HCFC2: variants seen among roughly 807,000 people sequenced by gnomAD.
The protein encoded by HCFC2 is host cell factor 2.
In HCFC2, 18 loss-of-function variants were observed where a neutral mutation model predicts 89.2. The observed-to-expected ratio is 0.20, with a 90% CI of 0.14 to 0.30. HCFC2 has a LOEUF of 0.30. Ranked by LOEUF, HCFC2 falls within the 10% of genes least tolerant of loss-of-function variation. The probability of loss-of-function intolerance (pLI) is 1.00; values close to 1 mark genes in which losing one functional copy is unlikely to be tolerated. For synonymous variants in HCFC2, 308 were observed against 335.7 expected (o/e 0.92, Z 0.90); for missense variants, 578 against 956.1 (o/e 0.60, Z 5.21).
intron 12 of HCFC2, chr12:104,098,044 T>C: frequency 4.2e-6 from 1 of 236,826 alleles, no homozygotes; most frequent in Non-Finnish European, 8.0e-6. Flanking sequence ...AATGACAATG[T>C]TCTATAAAAT....
At chr12:104,098,111 T>C in intron 12 of HCFC2, 1 of 377,228 alleles carries the variant, frequency 2.7e-6, no homozygotes, top group Non-Finnish European at 4.7e-6. Context: ...GCTAGGTTGA[T>C]AGTACAGAGC....
At chr12:104,077,550 G>GTT (rs202233502) in intron 3 of HCFC2, among the ~76,000 whole-genome samples, 32 of 133,408 alleles carry the variant, frequency 2.4e-4, no homozygotes, top group Admixed American at 7.4e-4. Flanking sequence ...CCCCTGGCCT[G>GTT]TTTTTTTTTT....
chr12:104,064,818 C>A lies in HCFC2; in HGVS notation c.163+95C>A. ...GCCGCGGCCCTGACAGCTGTCACCG[C>A]CCGGTCACTGCTTCCTTGGGCGGGC... is the stretch of plus-strand genomic sequence containing the variant. On this transcript the variant is annotated intron_variant, in intron 1 of 14. Coordinates refer to ENST00000229330, the MANE Select transcript of HCFC2 (RefSeq NM_013320.3). This position sits in a 1 kb window ranked among gnomAD's most constrained non-coding sequence, Gnocchi z 7.3. 1 of 1,172,354 alleles carries A rather than the reference C, an allele frequency of 8.5e-7. No homozygotes were observed. The highest frequency in any genetic ancestry group is 1.1e-6 in the Non-Finnish European group (1 of 876,388). The allele number at this position is 1,172,354 out of a possible 1,614,324, so 72.6% of individuals were successfully genotyped here.
intron 10 of HCFC2, among the ~76,000 whole-genome samples, chr12:104,094,530 AG>A (rs1884119558): frequency 6.6e-6 from 1 of 152,210 alleles, no homozygotes; most frequent in Admixed American, 6.5e-5. Context: ...TATACGTCAT[AG>A]GAAAAAAAAT....
chr12:104,075,628 T>C (rs1250336777), intron 3 of HCFC2, among the ~76,000 whole-genome samples: 1 of 152,050 alleles, frequency 6.6e-6, no homozygotes, highest in Admixed American at 6.6e-5. Context: ...CTGGCTAAAT[T>C]TTTAAGTTTT....
intron 4 of HCFC2, chr12:104,080,313 TA>T: frequency 6.2e-6 from 1 of 161,878 alleles, no homozygotes; most frequent in Non-Finnish European, 1.3e-5. Context: ...GTCCCTGATA[TA>T]AAATGGTGTA....
At position 104,064,701 on chromosome 12, in the gene HCFC2, T is replaced by A; in HGVS notation, c.141T>A (p.Asp47Glu). 6.4e-7 allele frequency: 1 copy of A among 1,570,192 alleles called. No individual in the cohort carries two copies. Among genetic ancestry groups the A allele is most frequent in the Non-Finnish European group, 8.6e-7 (1 of 1,160,522 alleles). ...IFGGGNEGIA[D>E]ELHVYNTATN... Reference sequence around the variant, plus strand: ...GAGGGGGAAATGAGGGCATCGCGGATGAGCTGCACGTCTACAACACGGGTA... The same window carrying A: ...GAGGGGGAAATGAGGGCATCGCGGAAGAGCTGCACGTCTACAACACGGGTA... The change falls in exon 1 of 15, where the codon GAT (aspartate) becomes GAA (glutamate). Residue 47 changes from aspartate (D) to glutamate (E), a missense_variant. Physicochemically the swap from Asp to Glu is conservative, Grantham distance 45. This residue lies in a region of HCFC2 where 206 missense variants were observed against 419.2 expected (regional missense o/e 0.49). Coordinates refer to ENST00000229330, the MANE Select transcript of HCFC2 (RefSeq NM_013320.3). This position sits in a 1 kb window ranked among gnomAD's most constrained non-coding sequence, Gnocchi z 7.3.
chr12:104,071,407 A>T (rs916176416), intron 3 of HCFC2, among the ~76,000 whole-genome samples: 1 of 152,206 alleles, frequency 6.6e-6, no homozygotes, highest in Non-Finnish European at 1.5e-5. Context: ...GGTTACATAC[A>T]ATGCTTTTTA....
intron 9 of HCFC2, among the ~76,000 whole-genome samples, chr12:104,089,916 CT>C (rs1394574753): frequency 2.6e-5 from 4 of 152,048 alleles, no homozygotes; most frequent in Admixed American, 2.0e-4. Flanking sequence ...AAGGTAGTTT[CT>C]TTTTTCCCCC....
intron 3 of HCFC2, among the ~76,000 whole-genome samples, chr12:104,079,025 A>G (rs1449783079): frequency 2.0e-5 from 3 of 152,174 alleles, no homozygotes; most frequent in Non-Finnish European, 4.4e-5. Flanking sequence ...CAGCCTCAGA[A>G]GTCACGTAGT....
intron 1 of HCFC2, among the ~76,000 whole-genome samples, chr12:104,065,424 G>A (rs910243752): frequency 2.0e-5 from 3 of 152,220 alleles, no homozygotes; most frequent in Non-Finnish European, 4.4e-5. Context: ...GAATAGAAAG[G>A]AAACTGGATT....
chr12:104,064,572 C>T lies in HCFC2; in HGVS notation c.12C>T (p.Pro4=). 1 of 1,542,362 alleles carries T rather than the reference C, an allele frequency of 6.5e-7. No individual in the cohort carries two copies. Among genetic ancestry groups the T allele is most frequent in the Non-Finnish European group, 8.7e-7 (1 of 1,146,582 alleles). The change falls in exon 1 of 15, where the codon CCC becomes CCT. Residue 4 remains proline, a synonymous_variant. Transcript: ENST00000229330. This position sits in a 1 kb window ranked among gnomAD's most constrained non-coding sequence, Gnocchi z 7.3. MAA[P]SLLNWRRVSS... ...CGGGGGTTGGGAAGATGGCGGCTCCCAGCCTCCTCAACTGGAGGCGAGTTT... is the reference window on the plus strand; with the variant it reads ...CGGGGGTTGGGAAGATGGCGGCTCCTAGCCTCCTCAACTGGAGGCGAGTTT...
chr12:104,087,103 C>G (rs772417138), intron 8 of HCFC2, 89 bp downstream of exon 8: 9 of 1,285,274 alleles, frequency 7.0e-6, no homozygotes, highest in Non-Finnish European at 7.5e-6. Flanking sequence ...GCCTGTAATC[C>G]CAGCACTTTG....
rs1438379295 is a variant in HCFC2, at chr12:104,086,895, A to G, written c.1112A>G (p.Asn371Ser). ...GTACAGCTGATCAAAGCCACTACCA[A>G]CTCCTTTCATGTCAAGTGGGATGAA... ...SQVQLIKATT[N>S]SFHVKWDEVS... The change falls in exon 8 of 15, where the codon AAC becomes AGC. Residue 371 changes from asparagine to serine, a missense_variant. Asn to Ser is a conservative substitution (Grantham distance 46). This residue lies in a region of HCFC2 where 210 missense variants were observed against 251.7 expected (regional missense o/e 0.83). Coordinates refer to ENST00000229330, the MANE Select transcript of HCFC2 (RefSeq NM_013320.3). 1 of 1,613,764 alleles carries G rather than the reference A, an allele frequency of 6.2e-7. No homozygotes were observed. The highest frequency in any genetic ancestry group is 8.5e-7 in the Non-Finnish European group (1 of 1,179,854).
At chr12:104,099,637 T>C (rs1031858137) in intron 13 of HCFC2, among the ~76,000 whole-genome samples, 3 of 151,956 alleles carry the variant, frequency 2.0e-5, no homozygotes, top group Non-Finnish European at 4.4e-5. Flanking sequence ...AAAAAACTTA[T>C]ACAATCACTG....
rs2030041244 is a variant in HCFC2, at chr12:104,104,669, T to A, written c.*1396T>A. On this transcript the variant is annotated 3_prime_UTR_variant, in exon 15 of 15. Transcript: ENST00000229330. ...TATATATGTGTGTTCCAGTTACTAATTTAAAGTGTATAGAATATTTTAATA... is the reference window on the plus strand; with the variant it reads ...TATATATGTGTGTTCCAGTTACTAAATTAAAGTGTATAGAATATTTTAATA... 6.6e-6 allele frequency: 1 copy of A among 152,034 alleles called. No homozygotes were observed. The highest frequency in any genetic ancestry group is 1.5e-5 in the Non-Finnish European group (1 of 67,870). 9.4% of individuals were successfully genotyped at this position (152,034 alleles called of 1,614,324 possible). A position where few individuals can be genotyped will look rare whatever the true frequency, so the allele number is the denominator to read the frequency against.
chr12:104,078,645 A>T (rs917675907), intron 3 of HCFC2, among the ~76,000 whole-genome samples: 1 of 152,190 alleles, frequency 6.6e-6, no homozygotes, highest in Non-Finnish European at 1.5e-5. Context: ...GAGGTGTCTT[A>T]AGGGATATTT....
Position 104,098,350 on chromosome 12 carries a change from C to A in HCFC2, c.1748C>A (p.Thr583Asn), listed in dbSNP as rs1385087162. The A allele has an allele frequency of 6.3e-7, 1 of 1,581,634 alleles. No individual in the cohort carries two copies. The highest frequency in any genetic ancestry group is 8.5e-7 in the Non-Finnish European group (1 of 1,171,326). The change falls in exon 13 of 15, where the codon ACT becomes AAT. Residue 583 changes from threonine (T) to asparagine (N), a missense_variant. By Grantham distance (65) the Thr-to-Asn change is moderately conservative. This residue lies in a region of HCFC2 where 140 missense variants were observed against 266.4 expected (regional missense o/e 0.53). Coordinates refer to ENST00000229330, the MANE Select transcript of HCFC2 (RefSeq NM_013320.3). Reference protein sequence around the residue: ...HATATPFSKETPSNPVATVKA... With the variant: ...HATATPFSKENPSNPVATVKA... ...TTTTTTCTCTGAAATTAGAAAGAGA[C>A]TCCTTCAAATCCAGTGGCCACAGTG... is the stretch of plus-strand genomic sequence containing the variant.
At chr12:104,075,715 C>G (rs1021251292) in intron 3 of HCFC2, among the ~76,000 whole-genome samples, 1 of 152,186 alleles carries the variant, frequency 6.6e-6, no homozygotes, top group Non-Finnish European at 1.5e-5. Flanking sequence ...CTACCTCAGT[C>G]TCCCAAGGTG....
Sources: gnomAD v4.1 joint callset for allele counts (sites outside exome capture counted in the v4.1 genomes callset) on GRCh38, gnomAD v4.1.1 for gene constraint, gnomAD v4.1.1 regional missense constraint, Gnocchi (gnomAD v3.1) non-coding constraint, MANE v1.5 for transcripts, NCBI Gene and HGNC (gene_info 2026-07-23, HGNC 2026-07-21) for gene names.